Variants in TMEM132D observed in about 807,000 individuals in gnomAD.
TMEM132D encodes the protein mature OL transmembrane protein.
In TMEM132D, 21 loss-of-function variants were observed where a neutral mutation model predicts 62.3. That is an observed-to-expected ratio of 0.34 (90% CI 0.24 to 0.49). The LOEUF (loss-of-function observed/expected upper bound fraction) is 0.49, where lower values mean the gene tolerates loss of function less well. Ranked by LOEUF, TMEM132D falls within the 20% of genes least tolerant of loss-of-function variation. TMEM132D has a pLI of 0.99. For synonymous variants in TMEM132D, 621 were observed against 575.6 expected (o/e 1.08, Z -1.13); for missense variants, 1,346 against 1,402.8 (o/e 0.96, Z 0.65).
At chr12:129,799,801 C>G (rs1871704128) in intron 1 of TMEM132D, among the ~76,000 whole-genome samples, 1 of 152,154 alleles carries the variant, frequency 6.6e-6, no homozygotes, top group African/African-American at 2.4e-5. Flanking sequence ...CCCCCACAGA[C>G]AGAGGTTGAG....
At chr12:129,760,609 A>G (rs985841161) in intron 1 of TMEM132D, among the ~76,000 whole-genome samples, 5 of 150,018 alleles carry the variant, frequency 3.3e-5, no homozygotes, top group East Asian at 2.0e-4. Context: ...AGCCTCCTGA[A>G]GTACTGGGAT....
intron 1 of TMEM132D, among the ~76,000 whole-genome samples, chr12:129,901,923 C>T (rs1050174013): frequency 5.3e-5 from 8 of 150,488 alleles, no homozygotes; most frequent in Admixed American, 4.6e-4. Context: ...GTTTTTTTAA[C>T]CTCACGTCTG....
chr12:129,138,590 AG>A (rs1876651824), intron 5 of TMEM132D, among the ~76,000 whole-genome samples: 1 of 152,076 alleles, frequency 6.6e-6, no homozygotes, highest in African/African-American at 2.4e-5. Context: ...GTGTGGTGGC[AG>A]GCACCTGTAA....
At chr12:129,323,859 G>A (rs1868804894) in intron 4 of TMEM132D, among the ~76,000 whole-genome samples, 1 of 151,788 alleles carries the variant, frequency 6.6e-6, no homozygotes, top group African/African-American at 2.4e-5. Context: ...TTCTTCACAT[G>A]CCTCTCTATT....
rs35842499 is a variant in TMEM132D, at chr12:129,356,147, A to ATTTTT, written c.1116-18335_1116-18331dup. Among the ~76,000 whole-genome samples the ATTTTT allele has an allele frequency of 6.0e-4, 22 of 36,546 alleles. 1 individual carries two copies. Among genetic ancestry groups the ATTTTT allele is most frequent in the South Asian group, 1.3e-3 (1 of 762 alleles). The allele number at this position is 36,546 out of a possible 152,430, so 24.0% of individuals were successfully genotyped here. On this transcript the variant is annotated intron_variant, in intron 3 of 8. Transcript: ENST00000422113. ...GTCTGCTTCTAGAGAAACTGAAGGG[A>ATTTTT]TTTTTTTTTTTTTTTTTTTTTTTTT...
chr12:129,220,296 T>G (rs1364856775), intron 4 of TMEM132D, among the ~76,000 whole-genome samples: 1 of 151,984 alleles, frequency 6.6e-6, no homozygotes, highest in Non-Finnish European at 1.5e-5. Context: ...TCATTGCCTC[T>G]CCCACAGTCT....
At chr12:129,630,196 T>A (rs901803937) in intron 2 of TMEM132D, among the ~76,000 whole-genome samples, 4 of 152,226 alleles carry the variant, frequency 2.6e-5, no homozygotes, top group African/African-American at 7.2e-5. Context: ...CTTTCATTTA[T>A]AAGAGCTCCA....
chr12:129,285,712 C>T (rs1481431241), intron 4 of TMEM132D, among the ~76,000 whole-genome samples: 2 of 152,204 alleles, frequency 1.3e-5, no homozygotes, highest in East Asian at 3.9e-4. Context: ...TATAGCACAG[C>T]CATTTACATT....
In TMEM132D at chr12:129,741,559, C is replaced by G. The variant is rs556748726; in HGVS notation, c.80-40861G>C. 4.6e-5 allele frequency among the ~76,000 whole-genome samples: 7 copies of G among 152,236 alleles called. No individual in the cohort carries two copies. The South Asian group carries it at 1.5e-3, about 32-fold the overall frequency. On this transcript the variant is annotated intron_variant, in intron 1 of 8. Transcript: ENST00000422113. ...AGAATATGAATAAGTCAGTGCTCAA[C>G]CACAGCAACTGTGAAGAATGTTCTC...
intron 2 of TMEM132D, among the ~76,000 whole-genome samples, chr12:129,584,505 G>C (rs79006285): frequency 6.6e-6 from 1 of 152,094 alleles, no homozygotes; most frequent in Non-Finnish European, 1.5e-5. Flanking sequence ...TTGACTTTAG[G>C]CTCAGCCATG....
intron 1 of TMEM132D, among the ~76,000 whole-genome samples, chr12:129,813,499 C>G (rs1011222046): frequency 2.6e-5 from 4 of 151,200 alleles, no homozygotes; most frequent in African/African-American, 9.7e-5. Context: ...AGTAGTCAGT[C>G]CAGCCACTCT....
At chr12:129,722,154 C>G (rs1868856934) in intron 1 of TMEM132D, among the ~76,000 whole-genome samples, 2 of 152,158 alleles carry the variant, frequency 1.3e-5, no homozygotes, top group Admixed American at 6.5e-5. Context: ...ATCAATTTTC[C>G]CTTCTCCCAT....
chr12:129,415,088 C>T (rs530686538), intron 3 of TMEM132D, among the ~76,000 whole-genome samples: 13 of 152,250 alleles, frequency 8.5e-5, no homozygotes, highest in South Asian at 2.1e-4. Context: ...AAGTTGTTTC[C>T]GTATCTTGAC....
In TMEM132D at chr12:129,081,914, G is replaced by A. The variant is rs752682400; in HGVS notation, c.1768C>T (p.Pro590Ser). ...LTQFVAEAAGPGGHLAHLLGS... is the reference protein window; with the variant it reads ...LTQFVAEAAGSGGHLAHLLGS... ...AGCAGGTGGGCCAGGTGTCCCCCAG[G>A]GCCGGCCGCCTCAGCCACAAACTGC... The change falls in exon 7 of 9, where the codon CCT (proline) becomes TCT (serine). Residue 590 changes from proline to serine, a missense_variant. Coordinates refer to ENST00000422113, the MANE Select transcript of TMEM132D (RefSeq NM_133448.3). 1 of 1,614,000 alleles carries A rather than the reference G, an allele frequency of 6.2e-7. No homozygotes were observed. Among genetic ancestry groups the A allele is most frequent in the Non-Finnish European group, 8.5e-7 (1 of 1,180,014 alleles).
At position 129,088,548 on chromosome 12, in the gene TMEM132D, C is replaced by A. The variant is rs867573316; in HGVS notation, c.1444-3846G>T. 1.1e-3 allele frequency among the ~76,000 whole-genome samples: 25 copies of A among 23,702 alleles called. 1 individual carries two copies. Among genetic ancestry groups the A allele is most frequent in the African/African-American group, 6.9e-3 (20 of 2,916 alleles). 15.5% of individuals were successfully genotyped at this position (23,702 alleles called of 152,430 possible). On this transcript the variant is annotated intron_variant, in intron 5 of 8. Coordinates refer to ENST00000422113, the MANE Select transcript of TMEM132D (RefSeq NM_133448.3). Reference sequence around the variant, plus strand: ...TGTCCTCTATGACCGGGTGTCCTCCCTGACCGGGTGTCCTCCCTGACCGGG... The same window carrying A: ...TGTCCTCTATGACCGGGTGTCCTCCATGACCGGGTGTCCTCCCTGACCGGG...
rs535270282 is a variant in TMEM132D, at chr12:129,831,881, T to TA, written c.79+71379_79+71380insT. Reference sequence around the variant, plus strand: ...CTTTTTCTTTCTTTCTTTTTCTTTTTTTTTTTTGAGACTGAGTCTTGCTCT... The same window carrying TA: ...CTTTTTCTTTCTTTCTTTTTCTTTTTATTTTTTTGAGACTGAGTCTTGCTCT... On this transcript the variant is annotated intron_variant, in intron 1 of 8. Coordinates refer to ENST00000422113, the MANE Select transcript of TMEM132D (RefSeq NM_133448.3). Among the ~76,000 whole-genome samples, 566 of 149,570 alleles carry TA rather than the reference T, an allele frequency of 3.8e-3. 1 individual carries two copies. Among genetic ancestry groups the TA allele is most frequent in the Non-Finnish European group, 6.2e-3 (418 of 67,394 alleles).
chr12:129,409,451 A>G (rs1002453140), intron 3 of TMEM132D, among the ~76,000 whole-genome samples: 1 of 152,188 alleles, frequency 6.6e-6, no homozygotes, highest in African/African-American at 2.4e-5. Context: ...AAAATGTTCA[A>G]AGAATGTGTA....
At chr12:129,209,927 T>C in intron 4 of TMEM132D, 1 of 469,748 alleles carries the variant, frequency 2.1e-6, no homozygotes. Context: ...ATTACTAATA[T>C]TGTGTTTGGC....
At chr12:129,409,769 A>G (rs982012450) in intron 3 of TMEM132D, among the ~76,000 whole-genome samples, 3 of 152,244 alleles carry the variant, frequency 2.0e-5, no homozygotes, top group Non-Finnish European at 2.9e-5. Context: ...TTGTTATGTT[A>G]CCGAGCTTCC....
Sources: gnomAD v4.1 joint callset for allele counts (sites outside exome capture counted in the v4.1 genomes callset) on GRCh38, gnomAD v4.1.1 for gene constraint, MANE v1.5 for transcripts, NCBI Gene and HGNC (gene_info 2026-07-23, HGNC 2026-07-21) for gene names.